Variants in SND1 observed in about 807,000 individuals in gnomAD.
SND1 encodes staphylococcal nuclease and tudor domain containing 1, also known as staphylococcal nuclease domain-containing protein 1.
In SND1, 38 loss-of-function variants were observed where a neutral mutation model predicts 121.7. The ratio of observed to expected loss-of-function variants is 0.31; its 90% CI spans 0.24 to 0.41. The LOEUF (loss-of-function observed/expected upper bound fraction) is 0.41, where lower values mean the gene tolerates loss of function less well. Among genes scored for constraint, SND1 ranks in the 10% least tolerant of loss-of-function variants. SND1 has a pLI of 1.00. For missense variants in SND1, 868 were observed against 1,184.6 expected, an observed-to-expected ratio of 0.73 and a Z score of 3.92; for synonymous variants, 401 against 447.4, an observed-to-expected ratio of 0.90 and a Z score of 1.31.
rs116885273 is a variant in SND1, at chr7:127,655,702, C to T, written c.78+3251C>T. 2.9e-3 allele frequency among the ~76,000 whole-genome samples: 443 copies of T among 152,278 alleles called. 2 individuals carry two copies. The highest frequency in any genetic ancestry group is 5.3e-3 in the Non-Finnish European group (363 of 68,026). On this transcript the variant is annotated intron_variant, in intron 1 of 23. Coordinates refer to ENST00000354725, the MANE Select transcript of SND1 (RefSeq NM_014390.4). ...CTCTTTAACTGCAACAGAATATTGT[C>T]AGCAGATGCTAAGTAGATGAGGTTG...
intron 10 of SND1, among the ~76,000 whole-genome samples, chr7:127,723,633 G>A (rs930092394): frequency 6.6e-6 from 1 of 152,144 alleles, no homozygotes; most frequent in African/African-American, 2.4e-5. Flanking sequence ...GCCGGTTTTG[G>A]TGGGTGGTCT....
chr7:127,926,317 A>G (rs1343833228), intron 14 of SND1, among the ~76,000 whole-genome samples: 3 of 152,110 alleles, frequency 2.0e-5, no homozygotes, highest in Non-Finnish European at 4.4e-5. Context: ...GGTTCTTATA[A>G]TCAATTTAAT....
intron 11 of SND1, among the ~76,000 whole-genome samples, chr7:127,820,302 A>G (rs1054126879): frequency 6.6e-6 from 1 of 152,194 alleles, no homozygotes; most frequent in Non-Finnish European, 1.5e-5. Flanking sequence ...ATCCAGTGCC[A>G]TCAGAATGAT....
chr7:127,811,396 A>G (rs1798332527), intron 11 of SND1, among the ~76,000 whole-genome samples: 1 of 152,184 alleles, frequency 6.6e-6, no homozygotes, highest in African/African-American at 2.4e-5. Flanking sequence ...CAGAATTTCC[A>G]AGACTAATCT....
At chr7:127,818,589 G>A (rs141522725) in intron 11 of SND1, among the ~76,000 whole-genome samples, 1 of 152,254 alleles carries the variant, frequency 6.6e-6, no homozygotes, top group Non-Finnish European at 1.5e-5. Flanking sequence ...CAAATGAGTT[G>A]GAAGTCAGTA....
intron 11 of SND1, among the ~76,000 whole-genome samples, chr7:127,813,213 T>C (rs1246661107): frequency 6.6e-6 from 1 of 152,194 alleles, no homozygotes; most frequent in Non-Finnish European, 1.5e-5. Context: ...TTGGAAGTGG[T>C]AGTAATGTGT....
intron 10 of SND1, 142 bp downstream of exon 10, chr7:127,721,542 T>C: frequency 1.9e-6 from 1 of 532,702 alleles, no homozygotes; most frequent in Non-Finnish European, 3.4e-6. Context: ...TATTATTTTC[T>C]AATATTTATA....
rs751477451 is a variant in SND1, at chr7:128,075,947, G to C, written c.1968+1257G>C. On this transcript the variant is annotated intron_variant, in intron 17 of 23. Coordinates refer to ENST00000354725, the MANE Select transcript of SND1 (RefSeq NM_014390.4). Reference sequence around the variant, plus strand: ...TGTCCTCTGCCTGCTGCAGGGAGAGGGGGGGAGGGGCAGCGCTGGGGCCTC... The same window carrying C: ...TGTCCTCTGCCTGCTGCAGGGAGAGCGGGGGAGGGGCAGCGCTGGGGCCTC... Among the ~76,000 whole-genome samples, 19 of 152,320 alleles carry C rather than the reference G, an allele frequency of 1.2e-4. No homozygotes were observed. In the East Asian group the frequency reaches 2.3e-3, roughly 19 times the overall value.
At chr7:127,949,120 C>T (rs1801401611) in intron 15 of SND1, 1 of 152,148 alleles carries the variant, frequency 6.6e-6, no homozygotes, top group African/African-American at 2.4e-5. Context: ...ACTCATTTTA[C>T]ATGAACAATG....
rs189744560 is a variant in SND1, at chr7:127,772,463, A to G, written c.1153-35021A>G. On this transcript the variant is annotated intron_variant, in intron 10 of 23. Coordinates refer to ENST00000354725, the MANE Select transcript of SND1 (RefSeq NM_014390.4). ...CCCAAAAACAGAAGTAATGTCTGTGATTTGTTCCCTTATACATGGTAATTT... is the reference window on the plus strand; with the variant it reads ...CCCAAAAACAGAAGTAATGTCTGTGGTTTGTTCCCTTATACATGGTAATTT... Among the ~76,000 whole-genome samples the G allele has an allele frequency of 2.0e-5, 3 of 152,282 alleles. 1 individual carries two copies. The highest frequency in any genetic ancestry group is 1.3e-4 in the Admixed American group (2 of 15,286).
chr7:127,897,880 T>C (rs1000952269), intron 13 of SND1, among the ~76,000 whole-genome samples: 4 of 152,074 alleles, frequency 2.6e-5, no homozygotes, highest in African/African-American at 9.7e-5. Flanking sequence ...TTCCTGAAAT[T>C]TTTTTCTGAT....
intron 15 of SND1, among the ~76,000 whole-genome samples, chr7:127,938,846 C>T (rs1470079233): frequency 4.6e-5 from 7 of 152,158 alleles, no homozygotes; most frequent in African/African-American, 9.7e-5. Flanking sequence ...CCAGAATGAG[C>T]CTCATCATAC....
At chr7:127,724,272 A>T in intron 10 of SND1, among the ~76,000 whole-genome samples, 1 of 152,242 alleles carries the variant, frequency 6.6e-6, no homozygotes, top group Middle Eastern at 3.2e-3. Flanking sequence ...TGGGAAGGCT[A>T]CTTTGAGGAA....
intron 1 of SND1, among the ~76,000 whole-genome samples, chr7:127,684,209 A>G (rs558205701): frequency 6.6e-6 from 1 of 152,158 alleles, no homozygotes; most frequent in Non-Finnish European, 1.5e-5. Flanking sequence ...ATCAGAGTTC[A>G]CCTTCGTCAG....
chr7:127,703,188 A>C lies in SND1; in HGVS notation c.705A>C (p.Ala235=), dbSNP rs766409286. 1.2e-6 allele frequency: 2 copies of C among 1,614,026 alleles called. No individual in the cohort carries two copies. Among genetic ancestry groups the C allele is most frequent in the Non-Finnish European group, 1.7e-6 (2 of 1,180,000 alleles). Reference sequence around the variant, plus strand: ...AGTGCCCAACTTTTCGACGGGAAGCAGATGGCAGTGAAACTCCAGAGCCTT... The same window carrying C: ...AGTGCCCAACTTTTCGACGGGAAGCCGATGGCAGTGAAACTCCAGAGCCTT... ...GIKCPTFRRE[A]DGSETPEPFA... is the part of the protein sequence containing the mutation. Residue 235 remains alanine (A), a synonymous_variant, in exon 7 of 24, where the codon GCA becomes GCC. Transcript: ENST00000354725.
intron 1 of SND1, among the ~76,000 whole-genome samples, chr7:127,671,162 G>T (rs1352167299): frequency 6.6e-6 from 1 of 152,126 alleles, no homozygotes; most frequent in Non-Finnish European, 1.5e-5. Context: ...CCAGTGATTT[G>T]TCTATCACTG....
chr7:127,902,033 G>T (rs959855193), intron 13 of SND1, among the ~76,000 whole-genome samples: 5 of 152,136 alleles, frequency 3.3e-5, no homozygotes, highest in African/African-American at 9.7e-5. Flanking sequence ...GTATTTAGTT[G>T]TGGTTAAGTC....
chr7:127,898,169 C>G (rs1446553583), intron 13 of SND1, among the ~76,000 whole-genome samples: 2 of 152,128 alleles, frequency 1.3e-5, no homozygotes, highest in African/African-American at 4.8e-5. Flanking sequence ...TCATACCCAG[C>G]ACAATAGCAT....
At chr7:127,766,771 C>CAAAAAAAACAAAAA (rs1797426602) in intron 10 of SND1, among the ~76,000 whole-genome samples, 1 of 33,202 alleles carries the variant, frequency 3.0e-5, no homozygotes, top group African/African-American at 8.8e-5. Context: ...GACTTTGTCT[C>CAAAAAAAACAAAAA]AAAAAAAAAA....
Sources: allele counts gnomAD v4.1 joint callset (sites outside exome capture counted in the v4.1 genomes callset), GRCh38; gene constraint gnomAD v4.1.1; transcripts MANE v1.5; gene names NCBI Gene and HGNC (gene_info 2026-07-23, HGNC 2026-07-21).